Variants in TNRC18 observed in about 807,000 individuals in gnomAD.
TNRC18 encodes the protein trinucleotide repeat-containing gene 18 protein.
TNRC18 carries 69 observed loss-of-function variants against 226.7 expected under a neutral mutation model. The ratio of observed to expected loss-of-function variants is 0.30; its 90% CI spans 0.25 to 0.37. The LOEUF (loss-of-function observed/expected upper bound fraction) is 0.37. Ranked by LOEUF, TNRC18 falls within the 10% of genes least tolerant of loss-of-function variation. TNRC18 has a pLI of 1.00. For missense variants in TNRC18, 4,754 were observed against 4,256.6 expected (o/e 1.12, Z -3.25); for synonymous variants, 2,449 against 1,927.6 (o/e 1.27, Z -7.09).
chr7:5,334,779 T>C (rs1789918798), intron 18 of TNRC18, among the ~76,000 whole-genome samples: 1 of 151,912 alleles, frequency 6.6e-6, no homozygotes, highest in Non-Finnish European at 1.5e-5. Context: ...ACAGGCCCAT[T>C]GTGTATGGTG....
Position 5,307,958 on chromosome 7 carries a change from G to T in TNRC18, c.*148C>A. On this transcript the variant is annotated 3_prime_UTR_variant, in exon 30 of 30. Coordinates refer to ENST00000430969, the MANE Select transcript of TNRC18 (RefSeq NM_001080495.3). Reference sequence around the variant, plus strand: ...CACGTGCATGCACACACACTCACCCGGGCATCCACGTGCACACCTGGCCCC... The same window carrying T: ...CACGTGCATGCACACACACTCACCCTGGCATCCACGTGCACACCTGGCCCC... The T allele has an allele frequency of 1.4e-6, 1 of 691,290 alleles. No homozygotes were observed. The highest frequency in any genetic ancestry group is 2.4e-6 in the Non-Finnish European group (1 of 413,210). 42.8% of individuals were successfully genotyped at this position (691,290 alleles called of 1,614,324 possible).
At chr7:5,421,790 G>A (rs768225791) in intron 1 of TNRC18, among the ~76,000 whole-genome samples, 4 of 152,236 alleles carry the variant, frequency 2.6e-5, no homozygotes, top group Non-Finnish European at 1.5e-5. Flanking sequence ...CGAAACCGGG[G>A]AGGGCTCCTC....
Position 5,421,207 on chromosome 7 carries a change from C to A in TNRC18, c.40G>T (p.Gly14Cys), listed in dbSNP as rs754716600. 1 of 1,339,734 alleles carries A rather than the reference C, an allele frequency of 7.5e-7. No individual in the cohort carries two copies. Among genetic ancestry groups the A allele is most frequent in the Non-Finnish European group, 9.6e-7 (1 of 1,042,660 alleles). 83.0% of individuals were successfully genotyped at this position (1,339,734 alleles called of 1,614,324 possible). ...RDFGPQRSVH[G>C]PPPPLLSGLA... ...CCGGACAGCAGCGGCGGCGGGGGACCGTGCACGGACCGCTGGGGCCCGAAG... is the reference window on the plus strand; with the variant it reads ...CCGGACAGCAGCGGCGGCGGGGGACAGTGCACGGACCGCTGGGGCCCGAAG... Residue 14 changes from glycine to cysteine, a missense_variant, in exon 2 of 30, where the codon GGT becomes TGT. Coordinates refer to ENST00000430969, the MANE Select transcript of TNRC18 (RefSeq NM_001080495.3).
At chr7:5,347,579 C>T (rs1287829278) in intron 17 of TNRC18, among the ~76,000 whole-genome samples, 2 of 152,112 alleles carry the variant, frequency 1.3e-5, no homozygotes, top group Non-Finnish European at 2.9e-5. Context: ...GCGGGAGGAT[C>T]GCCTGAGCTC....
Position 5,371,211 on chromosome 7 carries a change from G to T in TNRC18, c.3383C>A (p.Pro1128His). 1 of 1,605,528 alleles carries T rather than the reference G, an allele frequency of 6.2e-7. No homozygotes were observed. The stretch of plus-strand genomic sequence containing the variant: ...GGACAAGCGGATGGGCTTGTCTTCG[G>T]GTGAGAGTGCCAGGCGCTCGGGCCC... ...ADGPERLALSPEDKPIRLSPS... is the reference protein window; with the variant it reads ...ADGPERLALSHEDKPIRLSPS... Residue 1128 changes from proline to histidine, a missense_variant, in exon 11 of 30, where the codon CCC becomes CAC. Pro to His is a moderately conservative substitution (Grantham distance 77, BLOSUM62 -2). Coordinates refer to ENST00000430969, the MANE Select transcript of TNRC18 (RefSeq NM_001080495.3).
intron 10 of TNRC18, among the ~76,000 whole-genome samples, chr7:5,372,875 T>A (rs114665266): frequency 5.4e-4 from 82 of 151,960 alleles, no homozygotes; most frequent in South Asian, 4.2e-4. Context: ...AAAAAATAAA[T>A]TGGCCAGACA....
At chr7:5,368,398 C>G (rs1190752811) in intron 11 of TNRC18, among the ~76,000 whole-genome samples, 1 of 151,800 alleles carries the variant, frequency 6.6e-6, no homozygotes, top group Non-Finnish European at 1.5e-5. Flanking sequence ...CGCGGTGGCT[C>G]ACGCCTGTAA....
intron 10 of TNRC18, 84 bp downstream of exon 10, chr7:5,373,971 C>T (rs919172328): frequency 2.2e-5 from 25 of 1,143,344 alleles, no homozygotes; most frequent in East Asian, 1.5e-4. Context: ...AACGAACGAT[C>T]GAACGGGTCA....
Position 5,359,412 on chromosome 7 carries a change from C to T in TNRC18, c.4819G>A (p.Asp1607Asn), listed in dbSNP as rs184104886. Residue 1607 changes from aspartate (D) to asparagine (N), a missense_variant, in exon 15 of 30, where the codon GAC becomes AAC. By Grantham distance (23) the Asp-to-Asn change is conservative. Coordinates refer to ENST00000430969, the MANE Select transcript of TNRC18 (RefSeq NM_001080495.3). ...QTWDEHEASS[D>N]FISQLKIKKK... ...GGGTTACTCACCTGACTGATGAAGT[C>T]CGACGAGGCCTCATGTTCATCCCAA... 3.1e-6 allele frequency: 5 copies of T among 1,614,004 alleles called. No individual in the cohort carries two copies. The Admixed American group carries it at 5.0e-5, about 16-fold the overall frequency.
intron 3 of TNRC18, among the ~76,000 whole-genome samples, chr7:5,392,618 AAAAT>A (rs1054887111): frequency 1.3e-5 from 2 of 152,022 alleles, no homozygotes; most frequent in African/African-American, 4.8e-5. Flanking sequence ...TCCATTTCAA[AAAAT>A]AAATAAATAA....
intron 2 of TNRC18, chr7:5,420,464 C>G (rs1384563441): frequency 4.4e-6 from 2 of 452,598 alleles, no homozygotes; most frequent in Non-Finnish European, 8.9e-6. Flanking sequence ...TTCCCAGGGC[C>G]GCCGTTCTCC....
rs1010642798 is a variant in TNRC18, at chr7:5,309,421, C to T, written c.8389-53G>A. 5.6e-5 allele frequency: 84 copies of T among 1,496,850 alleles called. No individual in the cohort carries two copies. Among genetic ancestry groups the T allele is most frequent in the Middle Eastern group, 2.1e-4 (1 of 4,652 alleles). The allele number at this position is 1,496,850 out of a possible 1,614,324, so 92.7% of individuals were successfully genotyped here. On this transcript the variant is annotated intron_variant, in intron 27 of 29. Transcript: ENST00000430969. This position sits in a 1 kb window ranked among gnomAD's most constrained non-coding sequence, Gnocchi z 5.7. Reference sequence around the variant, plus strand: ...GGCCCTGGCCCAGCCCCAAGGAGCCCGCCGCCTGGCAGGCTCTGCCGCTTG... The same window carrying T: ...GGCCCTGGCCCAGCCCCAAGGAGCCTGCCGCCTGGCAGGCTCTGCCGCTTG...
intron 16 of TNRC18, 120 bp downstream of exon 16, chr7:5,356,796 G>A: frequency 7.4e-7 from 1 of 1,359,370 alleles, no homozygotes; most frequent in African/African-American, 1.5e-5. Context: ...GTGCGCCCCA[G>A]AGAGAGAGCG....
intron 2 of TNRC18, among the ~76,000 whole-genome samples, chr7:5,399,748 T>C (rs1340420300): frequency 6.6e-6 from 1 of 152,100 alleles, no homozygotes; most frequent in Non-Finnish European, 1.5e-5. Context: ...GCCGGCACGA[T>C]GGCTCACACC....
intron 11 of TNRC18, among the ~76,000 whole-genome samples, chr7:5,369,897 G>A (rs1481169032): frequency 6.6e-6 from 1 of 152,084 alleles, no homozygotes; most frequent in African/African-American, 2.4e-5. Context: ...CACTCAACAG[G>A]ACGCTTAAAA....
intron 11 of TNRC18, among the ~76,000 whole-genome samples, chr7:5,367,708 G>A (rs991822083): frequency 4.0e-5 from 6 of 151,524 alleles, no homozygotes; most frequent in Non-Finnish European, 7.4e-5. Flanking sequence ...GATTACAGGC[G>A]TGTGCCACCG....
In TNRC18 at chr7:5,307,795, C is replaced by G. The variant is rs781581263; in HGVS notation, c.*311G>C. 7.0e-6 allele frequency: 3 copies of G among 430,410 alleles called. No homozygotes were observed. Among genetic ancestry groups the G allele is most frequent in the Middle Eastern group, 6.8e-4 (1 of 1,474 alleles). 26.7% of individuals were successfully genotyped at this position (430,410 alleles called of 1,614,324 possible). On this transcript the variant is annotated 3_prime_UTR_variant, in exon 30 of 30. Coordinates refer to ENST00000430969, the MANE Select transcript of TNRC18 (RefSeq NM_001080495.3). Reference sequence around the variant, plus strand: ...CCCACGCAGCAGCAGCCTGGAGGGCCGGCCTGGCCAAGTGCTTGCAACGTG... The same window carrying G: ...CCCACGCAGCAGCAGCCTGGAGGGCGGGCCTGGCCAAGTGCTTGCAACGTG...
chr7:5,347,674 T>C (rs1405578949), intron 17 of TNRC18, among the ~76,000 whole-genome samples: 3 of 151,522 alleles, frequency 2.0e-5, no homozygotes, highest in Non-Finnish European at 2.9e-5. Context: ...CAAAAATAAA[T>C]AGGCCAGCGC....
At chr7:5,372,434 G>A (rs1425542467) in intron 10 of TNRC18, among the ~76,000 whole-genome samples, 1 of 149,548 alleles carries the variant, frequency 6.7e-6, no homozygotes, top group Non-Finnish European at 1.5e-5. Context: ...TGTTGGTCAG[G>A]CCAGTCTCAA....
Sources: gnomAD v4.1 joint callset for allele counts (sites outside exome capture counted in the v4.1 genomes callset) on GRCh38, gnomAD v4.1.1 for gene constraint, Gnocchi (gnomAD v3.1) non-coding constraint, MANE v1.5 for transcripts, NCBI Gene and HGNC (gene_info 2026-07-23, HGNC 2026-07-21) for gene names.